MYO19: variants seen among roughly 807,000 people sequenced by gnomAD.
The protein encoded by MYO19 is myosin XIX, also known as unconventional myosin-XIX.
In MYO19, 132 loss-of-function variants were observed where a neutral mutation model predicts 129.2. The observed-to-expected ratio is 1.02, with a 90% CI of 0.89 to 1.18. MYO19 has a LOEUF of 1.18. Ranked by LOEUF, MYO19 falls within the 50% of genes most tolerant of loss-of-function variation. MYO19 has a pLI of 0.00. For synonymous variants in MYO19, 531 were observed against 477.2 expected, an observed-to-expected ratio of 1.11 and a Z score of -1.47; for missense variants, 1,210 against 1,216.7, an observed-to-expected ratio of 0.99 and a Z score of 0.08.
At chr17:36,531,561 T>C (rs1190641032) in intron 3 of MYO19, among the ~76,000 whole-genome samples, 1 of 152,190 alleles carries the variant, frequency 6.6e-6, no homozygotes, top group Non-Finnish European at 1.5e-5. Flanking sequence ...TGTAACTTGC[T>C]TTATTCCATT....
chr17:36,538,255 TTAG>T (rs1221713221), upstream of MYO19: 1 of 1,613,288 alleles, frequency 6.2e-7, no homozygotes, highest in African/African-American at 1.3e-5. Context: ...CTGATCCTTC[TTAG>T]TAGTTTATTA....
upstream of MYO19, chr17:36,538,753 C>T: frequency 2.6e-6 from 2 of 763,586 alleles, no homozygotes; most frequent in Middle Eastern, 3.9e-4. Flanking sequence ...AGCAGTGATG[C>T]TTAATTATTT....
intron 12 of MYO19, 158 bp from the exon 13 acceptor site, chr17:36,511,075 C>T (rs916528526): frequency 2.3e-5 from 20 of 877,196 alleles, no homozygotes; most frequent in Admixed American, 2.8e-5. Flanking sequence ...ACTCCATAAA[C>T]AGCAGTCAGA....
chr17:36,501,174 A>G lies in MYO19; in HGVS notation c.2142T>C (p.Thr714=), dbSNP rs759744839. ...LEPLIQDILH[T]LPVLTQAAAI... is the part of the protein sequence containing the mutation. ...CTGCTGCCTGAGTTAGGACCGGCAG[A>G]GTGTGGAGAATGTCCTGGATGAGAG... Residue 714 remains threonine (T), a synonymous_variant, in exon 22 of 26, where the codon ACT becomes ACC. Coordinates refer to ENST00000614623, the MANE Select transcript of MYO19 (RefSeq NM_001163735.2). 6.2e-7 allele frequency: 1 copy of G among 1,613,992 alleles called. No homozygotes were observed. The highest frequency in any genetic ancestry group is 1.1e-5 in the South Asian group (1 of 91,088).
intron 3 of MYO19, among the ~76,000 whole-genome samples, chr17:36,531,511 C>T (rs1245398577): frequency 1.3e-5 from 2 of 151,866 alleles, no homozygotes; most frequent in Non-Finnish European, 2.9e-5. Flanking sequence ...GGTTTTTTCC[C>T]CTACATACTT....
chr17:36,528,365 G>C (rs2073617681), intron 3 of MYO19, among the ~76,000 whole-genome samples, 163 bp from the exon 4 acceptor site: 2 of 152,136 alleles, frequency 1.3e-5, no homozygotes. Flanking sequence ...CAAAAAATTA[G>C]CCAGGCATGG....
intron 2 of MYO19, among the ~76,000 whole-genome samples, chr17:36,540,495 C>T (rs780859008): frequency 9.9e-5 from 15 of 151,944 alleles, no homozygotes; most frequent in Non-Finnish European, 2.9e-5. Context: ...CTCAGCCTCC[C>T]GAGGAGCTGG....
At position 36,514,624 on chromosome 17, in the gene MYO19, G is replaced by C; in HGVS notation, c.618-76C>G. 8 of 983,806 alleles carry C rather than the reference G, an allele frequency of 8.1e-6. No individual in the cohort carries two copies. In the South Asian group the frequency reaches 1.1e-4, roughly 14 times the overall value. The allele number at this position is 983,806 out of a possible 1,614,324, so 60.9% of individuals were successfully genotyped here. A position where few individuals can be genotyped will look rare whatever the true frequency, so the allele number is the denominator to read the frequency against. On this transcript the variant is annotated intron_variant, in intron 8 of 25. Transcript: ENST00000614623. Reference sequence around the variant, plus strand: ...CATGTCTGGCAATCTGGGTGTGCCAGATTGCCTGCTACCTGGCAACTCCCC... The same window carrying C: ...CATGTCTGGCAATCTGGGTGTGCCACATTGCCTGCTACCTGGCAACTCCCC...
chr17:36,499,653 TCTTTTTGTTTC>T, intron 23 of MYO19: 1 of 143,132 alleles, frequency 7.0e-6, no homozygotes, highest in African/African-American at 2.9e-5. Context: ...ATATTCTTTT[TCTTTTTGTTTC>T]TTTTTTTTTT....
chr17:36,503,532 T>A (rs2071677592), intron 20 of MYO19, among the ~76,000 whole-genome samples: 1 of 152,252 alleles, frequency 6.6e-6, no homozygotes, highest in Non-Finnish European at 1.5e-5. Flanking sequence ...GGACCAGTCC[T>A]ATGACGCAGA....
chr17:36,539,985 A>T (rs1429608575), intron 2 of MYO19, among the ~76,000 whole-genome samples: 2 of 151,742 alleles, frequency 1.3e-5, no homozygotes, highest in Non-Finnish European at 1.5e-5. Context: ...AGAGAACATT[A>T]TAGATGGATG....
chr17:36,513,425 T>G lies in MYO19; in HGVS notation c.894+4A>C. 1 of 1,614,066 alleles carries G rather than the reference T, an allele frequency of 6.2e-7. No individual in the cohort carries two copies. The highest frequency in any genetic ancestry group is 1.1e-5 in the South Asian group (1 of 91,088). On this transcript the variant is annotated splice_donor_region_variant and intron_variant, in intron 11 of 25. Transcript: ENST00000614623. ...AACTTAAGTGGCGTGGCTTTTCTTC[T>G]GACCTTAAAGATGTTGTTCTGGGTA...
chr17:36,505,460 A>G (rs1482530447), intron 18 of MYO19, 56 bp from the exon 19 acceptor site: 7 of 1,352,380 alleles, frequency 5.2e-6, no homozygotes, highest in East Asian at 2.3e-5. Context: ...AGGGCCATCA[A>G]CTGGGCTCTG....
intron 25 of MYO19, among the ~76,000 whole-genome samples, chr17:36,497,030 G>A (rs1388299684): frequency 2.6e-5 from 4 of 151,990 alleles, no homozygotes; most frequent in Non-Finnish European, 5.9e-5. Flanking sequence ...ACTTTTCCCT[G>A]GATGCTTATA....
At chr17:36,514,636 C>T in intron 8 of MYO19, 88 bp from the exon 9 acceptor site, 1 of 829,814 alleles carries the variant, frequency 1.2e-6, no homozygotes, top group Non-Finnish European at 2.0e-6. Flanking sequence ...TTGCCTGCTA[C>T]CTGGCAACTC....
chr17:36,508,361 A>G (rs578156658), intron 14 of MYO19: 2 of 159,040 alleles, frequency 1.3e-5, no homozygotes, highest in East Asian at 3.8e-4. Context: ...TTGTACCTTT[A>G]AGCTTTATTT....
At chr17:36,521,380 C>T (rs959564981) in intron 6 of MYO19, among the ~76,000 whole-genome samples, 1 of 151,866 alleles carries the variant, frequency 6.6e-6, no homozygotes, top group African/African-American at 2.4e-5. Flanking sequence ...AAATTTTTAA[C>T]AAATATTCGA....
At chr17:36,527,194 TAATAAAA>T (rs2073524604) in intron 5 of MYO19, among the ~76,000 whole-genome samples, 1 of 151,606 alleles carries the variant, frequency 6.6e-6, no homozygotes, top group Admixed American at 6.6e-5. Context: ...AAATAAATAA[TAATAAAA>T]AATAAAAAGG....
intron 6 of MYO19, among the ~76,000 whole-genome samples, chr17:36,523,064 G>A (rs1394103795): frequency 6.6e-6 from 1 of 150,510 alleles, no homozygotes; most frequent in Non-Finnish European, 1.5e-5. Flanking sequence ...GTATGCATCT[G>A]TAATCCCAGC....
Sources: gnomAD v4.1 joint callset for allele counts (sites outside exome capture counted in the v4.1 genomes callset) on GRCh38, gnomAD v4.1.1 for gene constraint, MANE v1.5 for transcripts, NCBI Gene and HGNC (gene_info 2026-07-23, HGNC 2026-07-21) for gene names.